The following ATP9B variants were observed in gnomAD, a reference collection of about 807,000 sequenced individuals.
The protein encoded by ATP9B is probable phospholipid-transporting ATPase IIB.
A neutral mutation model predicts 146.1 loss-of-function variants in ATP9B; 110 were observed. The observed-to-expected ratio is 0.75, with a 90% CI of 0.65 to 0.88. The LOEUF is 0.88. Among genes scored for constraint, ATP9B ranks in the 40% least tolerant of loss-of-function variants. The pLI is 0.00. For synonymous variants in ATP9B, 604 were observed against 569.7 expected (o/e 1.06, Z -0.86); for missense variants, 1,499 against 1,496.4 (o/e 1.00, Z -0.03).
At chr18:79,093,860 A>G (rs1295386031) in intron 1 of ATP9B, among the ~76,000 whole-genome samples, 1 of 152,234 alleles carries the variant, frequency 6.6e-6, no homozygotes, top group Non-Finnish European at 1.5e-5. Context: ...TGGAGCGTGG[A>G]TATAATGGCT....
chr18:79,292,533 TA>T (rs2096516107), intron 13 of ATP9B, among the ~76,000 whole-genome samples: 1 of 152,196 alleles, frequency 6.6e-6, no homozygotes, highest in Non-Finnish European at 1.5e-5. Context: ...TAATACCTAC[TA>T]AAATCCCAGC....
intron 9 of ATP9B, among the ~76,000 whole-genome samples, chr18:79,200,319 T>A (rs1020222433): frequency 9.9e-5 from 15 of 152,222 alleles, no homozygotes; most frequent in African/African-American, 2.9e-4. Context: ...CAGAAACTGT[T>A]AGAACTTCAA....
At chr18:79,374,685 T>G (rs2097093394) in intron 28 of ATP9B, among the ~76,000 whole-genome samples, 1 of 152,268 alleles carries the variant, frequency 6.6e-6, no homozygotes, top group South Asian at 2.1e-4. Flanking sequence ...CATGCAGTGG[T>G]GAACCTGTAC....
At chr18:79,310,982 C>T (rs1226434183) in intron 15 of ATP9B, among the ~76,000 whole-genome samples, 11 of 152,110 alleles carry the variant, frequency 7.2e-5, no homozygotes, top group Non-Finnish European at 1.5e-4. Context: ...GAAACCCCGT[C>T]TCTACCAAAA....
intron 8 of ATP9B, among the ~76,000 whole-genome samples, chr18:79,181,585 C>T (rs934684291): frequency 1.3e-5 from 2 of 151,930 alleles, no homozygotes; most frequent in Non-Finnish European, 2.9e-5. Context: ...CTCTCTTACT[C>T]TTCTTTTTCT....
intron 11 of ATP9B, among the ~76,000 whole-genome samples, chr18:79,238,356 A>G (rs2095860624): frequency 6.6e-6 from 1 of 151,716 alleles, no homozygotes; most frequent in Non-Finnish European, 1.5e-5. Context: ...TCCGGGGCTT[A>G]CGTGAGGTGG....
At position 79,377,690 on chromosome 18, in the gene ATP9B, C is replaced by G. The variant is rs2097109566; in HGVS notation, c.*307C>G. 8.3e-6 allele frequency: 3 copies of G among 360,864 alleles called. No individual in the cohort carries two copies. The highest frequency in any genetic ancestry group is 1.6e-5 in the Non-Finnish European group (3 of 191,740). 22.4% of individuals were successfully genotyped at this position (360,864 alleles called of 1,614,324 possible). ...CTGAGACAGCCTCTCCCTCTCAGTG[C>G]AGGGACGTCACCCCTGCCAGGCAAG... On this transcript the variant is annotated 3_prime_UTR_variant, in exon 30 of 30. Coordinates refer to ENST00000426216, the MANE Select transcript of ATP9B (RefSeq NM_198531.5).
chr18:79,131,276 A>T (rs779787918), intron 5 of ATP9B, among the ~76,000 whole-genome samples: 1 of 152,242 alleles, frequency 6.6e-6, no homozygotes, highest in Non-Finnish European at 1.5e-5. Context: ...TGTATATCTG[A>T]TAAGGATCCA....
intron 9 of ATP9B, among the ~76,000 whole-genome samples, chr18:79,198,636 C>T (rs1600383466): frequency 6.6e-6 from 1 of 152,164 alleles, no homozygotes; most frequent in South Asian, 2.1e-4. Flanking sequence ...ACTTGTACAA[C>T]ATGTTACTGT....
Position 79,126,319 on chromosome 18 carries a change from G to T in ATP9B, c.611G>T (p.Arg204Leu), listed in dbSNP as rs148387710. Residue 204 changes from arginine to leucine, a missense_variant, in exon 5 of 30, where the codon CGT (arginine) becomes CTT (leucine). By Grantham distance (102) the Arg-to-Leu change is moderately radical (BLOSUM62 -2). Transcript: ENST00000426216. The part of the protein sequence containing the change: ...MTREAIDEFR[R>L]FQRDKEVNSQ... ...CGGGAAGCAATTGATGAATTTCGGC[G>T]TTTTCAGCGTGACAAGGAAGTGAAT... 1 of 1,611,824 alleles carries T rather than the reference G, an allele frequency of 6.2e-7. No individual in the cohort carries two copies. The highest frequency in any genetic ancestry group is 8.5e-7 in the Non-Finnish European group (1 of 1,178,510).
rs1208943834 is a variant in ATP9B, at chr18:79,205,355, T to C, written c.955-1582T>C. 8.0e-5 allele frequency among the ~76,000 whole-genome samples: 5 copies of C among 62,592 alleles called. No individual in the cohort carries two copies. In the East Asian group the frequency reaches 1.4e-3, roughly 18 times the overall value. 41.1% of individuals were successfully genotyped at this position (62,592 alleles called of 152,430 possible). On this transcript the variant is annotated intron_variant, in intron 9 of 29. Transcript: ENST00000426216. ...CAAGTAATGAGCAAAACGGCCAAAATTACATCATCTGAAAGTGGTTTGATA... is the reference window on the plus strand; with the variant it reads ...CAAGTAATGAGCAAAACGGCCAAAACTACATCATCTGAAAGTGGTTTGATA...
intron 4 of ATP9B, among the ~76,000 whole-genome samples, chr18:79,116,962 AAT>A (rs2094094869): frequency 7.1e-6 from 1 of 140,338 alleles, no homozygotes; most frequent in East Asian, 2.4e-4. Flanking sequence ...AAAAAGAAAT[AAT>A]GATTGATCAC....
intron 6 of ATP9B, among the ~76,000 whole-genome samples, chr18:79,152,638 A>G (rs2094708728): frequency 6.6e-6 from 1 of 152,200 alleles, no homozygotes. Context: ...CAGTGGGGAA[A>G]GAACTTTTTT....
In ATP9B at chr18:79,337,304, G is replaced by A. The variant is rs1227398747; in HGVS notation, c.2138G>A (p.Ser713Asn). 1.2e-6 allele frequency: 2 copies of A among 1,614,078 alleles called. No individual in the cohort carries two copies. Among genetic ancestry groups the A allele is most frequent in the Admixed American group, 3.3e-5 (2 of 60,028 alleles). Residue 713 changes from serine to asparagine, a missense_variant, in exon 19 of 30, where the codon AGC becomes AAC. Transcript: ENST00000426216. ...AGCCGATACACTCAAGCCAAGCTGA[G>A]CATGCACGACAGGTCCCTCAAGGTG... is the stretch of plus-strand genomic sequence containing the variant. ...FESRYTQAKL[S>N]MHDRSLKVAA...
intron 11 of ATP9B, among the ~76,000 whole-genome samples, chr18:79,216,207 T>C (rs1179188769): frequency 2.6e-5 from 4 of 152,236 alleles, no homozygotes; most frequent in African/African-American, 9.6e-5. Flanking sequence ...TCCACTTTAT[T>C]ATTTCTTCCC....
chr18:79,285,028 C>A (rs2096421571), intron 13 of ATP9B, among the ~76,000 whole-genome samples: 4 of 151,856 alleles, frequency 2.6e-5, no homozygotes, highest in Admixed American at 2.6e-4. Context: ...CATTGTTGGA[C>A]ATTTGGGTTG....
chr18:79,075,695 A>G (rs773852787), intron 1 of ATP9B, among the ~76,000 whole-genome samples: 10 of 152,138 alleles, frequency 6.6e-5, no homozygotes, highest in Admixed American at 1.3e-4. Context: ...CTTATATTTG[A>G]AGTGATTTTC....
Position 79,126,482 on chromosome 18 carries a change from G to A in ATP9B, c.667+107G>A, listed in dbSNP as rs146101929. Reference sequence around the variant, plus strand: ...CATTTTAATTCTATTATTGAAAATAGTATTATGTGATTGTATATGATATCT... The same window carrying A: ...CATTTTAATTCTATTATTGAAAATAATATTATGTGATTGTATATGATATCT... On this transcript the variant is annotated intron_variant, in intron 5 of 29. Transcript: ENST00000426216. 6.5e-6 allele frequency: 5 copies of A among 765,666 alleles called. No individual in the cohort carries two copies. In the East Asian group the frequency reaches 1.1e-4, roughly 18 times the overall value. The allele number at this position is 765,666 out of a possible 1,614,324, so 47.4% of individuals were successfully genotyped here. A position where few individuals can be genotyped will look rare whatever the true frequency, so the allele number is the denominator to read the frequency against.
chr18:79,255,561 A>T (rs8088317), intron 12 of ATP9B, among the ~76,000 whole-genome samples: 55,202 of 152,090 alleles, frequency 0.36, 11,028 homozygotes, highest in African/African-American at 0.54. Flanking sequence ...AAGACATTTC[A>T]CCTGCTTTTC....
Sources: gnomAD v4.1 joint callset for allele counts (sites outside exome capture counted in the v4.1 genomes callset) on GRCh38, gnomAD v4.1.1 for gene constraint, MANE v1.5 for transcripts, NCBI Gene and HGNC (gene_info 2026-07-23, HGNC 2026-07-21) for gene names.